The following ORAI3 variants were observed in gnomAD, a reference collection of about 807,000 sequenced individuals.
ORAI3 encodes protein orai-3.
Under a neutral mutation model 17.2 loss-of-function variants are expected in ORAI3, and 15 were observed. That is an observed-to-expected ratio of 0.87 (90% CI 0.58 to 1.34). ORAI3 has a LOEUF of 1.34. Ranked by LOEUF, ORAI3 falls within the 40% of genes most tolerant of loss-of-function variation. The pLI is 0.00. For missense variants in ORAI3, 405 were observed against 396.7 expected (o/e 1.02, Z -0.18); for synonymous variants, 178 against 172.4 (o/e 1.03, Z -0.25).
At position 30,954,262 on chromosome 16, in the gene ORAI3, G is replaced by C. The variant is rs1215307526; in HGVS notation, c.*418G>C. On this transcript the variant is annotated 3_prime_UTR_variant, in exon 2 of 2. Coordinates refer to ENST00000318663, the MANE Select transcript of ORAI3 (RefSeq NM_152288.3). ...TTTTTTTGAGACAGTCTGTTTCCCAGGCTGGAGTGTAGTGATACAGTCACA... is the reference window on the plus strand; with the variant it reads ...TTTTTTTGAGACAGTCTGTTTCCCACGCTGGAGTGTAGTGATACAGTCACA... 6.4e-6 allele frequency: 4 copies of C among 627,434 alleles called. No individual in the cohort carries two copies. Among genetic ancestry groups the C allele is most frequent in the Non-Finnish European group, 5.7e-6 (2 of 351,618 alleles). 38.9% of individuals were successfully genotyped at this position (627,434 alleles called of 1,614,324 possible). A position where few individuals can be genotyped will look rare whatever the true frequency, so the allele number is the denominator to read the frequency against.
In ORAI3 at chr16:30,949,440, T is replaced by G. The variant is rs778178422; in HGVS notation, c.151T>G (p.Trp51Gly). 6.2e-7 allele frequency: 1 copy of G among 1,606,572 alleles called. No homozygotes were observed. Among genetic ancestry groups the G allele is most frequent in the East Asian group, 2.2e-5 (1 of 44,468 alleles). The part of the protein sequence containing the change: ...ASQHSLRALS[W>G]RRLYLSRAKL... ...TCAGCACTCGCTGCGGGCGCTCAGC[T>G]GGCGCCGCCTCTACCTCAGCCGGGC... is the stretch of plus-strand genomic sequence containing the variant. Residue 51 changes from tryptophan (W) to glycine (G), a missense_variant, in exon 1 of 2, where the codon TGG (tryptophan) becomes GGG (glycine). Coordinates refer to ENST00000318663, the MANE Select transcript of ORAI3 (RefSeq NM_152288.3).
chr16:30,953,597 C>T lies in ORAI3; in HGVS notation c.641C>T (p.Ser214Phe). 1 of 1,614,242 alleles carries T rather than the reference C, an allele frequency of 6.2e-7. No individual in the cohort carries two copies. Among genetic ancestry groups the T allele is most frequent in the Non-Finnish European group, 8.5e-7 (1 of 1,180,036 alleles). The change falls in exon 2 of 2, where the codon TCT becomes TTT. Residue 214 changes from serine to phenylalanine, a missense_variant. Ser to Phe is a radical substitution (Grantham distance 155). Coordinates refer to ENST00000318663, the MANE Select transcript of ORAI3 (RefSeq NM_152288.3). ...CCAGCTTCCAATCTCCCACGGTCCT[C>T]TGCGTCTGCAGCACCGTCCCAAGCT... The part of the protein sequence containing the change: ...LSPASNLPRS[S>F]ASAAPSQAEP...
intron 1 of ORAI3, among the ~76,000 whole-genome samples, chr16:30,950,116 G>GGACGGTGTTGGCT (rs1044627230): frequency 6.6e-6 from 1 of 152,210 alleles, no homozygotes; most frequent in Non-Finnish European, 1.5e-5. Context: ...AGGTGCAGGA[G>GGACGGTGTTGGCT]GACGGTGTTG....
In ORAI3 at chr16:30,953,723, G is replaced by A; in HGVS notation, c.767G>A (p.Gly256Glu). 6.2e-7 allele frequency: 1 copy of A among 1,614,224 alleles called. No homozygotes were observed. Among genetic ancestry groups the A allele is most frequent in the Non-Finnish European group, 8.5e-7 (1 of 1,180,042 alleles). The change falls in exon 2 of 2, where the codon GGG (glycine) becomes GAG (glutamate). Residue 256 changes from glycine to glutamate, a missense_variant. Physicochemically the swap from Gly to Glu is moderately conservative, Grantham distance 98 (BLOSUM62 -2). Coordinates refer to ENST00000318663, the MANE Select transcript of ORAI3 (RefSeq NM_152288.3). ...TCCACAGCCATCATGGTACCCGTGG[G>A]GCTCGTGTTTGTGGCCTTTGCCCTG... ...MASTAIMVPV[G>E]LVFVAFALHF... is the part of the protein sequence containing the mutation.
rs777488181 is a variant in ORAI3, at chr16:30,953,725, C to A, written c.769C>A (p.Leu257Ile). 6.2e-7 allele frequency: 1 copy of A among 1,614,214 alleles called. No homozygotes were observed. The change falls in exon 2 of 2, where the codon CTC (leucine) becomes ATC (isoleucine). Residue 257 changes from leucine (L) to isoleucine (I), a missense_variant. Coordinates refer to ENST00000318663, the MANE Select transcript of ORAI3 (RefSeq NM_152288.3). ...ASTAIMVPVG[L>I]VFVAFALHFY... ...CACAGCCATCATGGTACCCGTGGGGCTCGTGTTTGTGGCCTTTGCCCTGCA... is the reference window on the plus strand; with the variant it reads ...CACAGCCATCATGGTACCCGTGGGGATCGTGTTTGTGGCCTTTGCCCTGCA...
In ORAI3 at chr16:30,951,410, T is replaced by A. The variant is rs569226481; in HGVS notation, c.229-1775T>A. On this transcript the variant is annotated intron_variant, in intron 1 of 1. Coordinates refer to ENST00000318663, the MANE Select transcript of ORAI3 (RefSeq NM_152288.3). ...GAGATGTTAAGACACCTGCCCAAGG[T>A]CCCACAGCAAGTAAGTGGCAGGATT... Among the ~76,000 whole-genome samples, 132 of 152,148 alleles carry A rather than the reference T, an allele frequency of 8.7e-4. 3 individuals are homozygous for A. Among genetic ancestry groups the A allele is most frequent in the Non-Finnish European group, 8.1e-4 (55 of 68,034 alleles).
At chr16:30,949,539 C>CA (rs2055911724) in intron 1 of ORAI3, 22 bp downstream of exon 1, 1 of 1,521,488 alleles carries the variant, frequency 6.6e-7, no homozygotes. Flanking sequence ...GGAGGGGTCA[C>CA]ACCCGGTGGG....
chr16:30,953,845 G>T lies in ORAI3; in HGVS notation c.*1G>T. On this transcript the variant is annotated 3_prime_UTR_variant, in exon 2 of 2. Transcript: ENST00000318663. ...GCAGGGGGAGCTGCAGGCTGTGTGA[G>T]ACTGGTGTTAGCCACCGCTCACTGC... 6.2e-7 allele frequency: 1 copy of T among 1,604,068 alleles called. No individual in the cohort carries two copies. Among genetic ancestry groups the T allele is most frequent in the South Asian group, 1.1e-5 (1 of 90,108 alleles).
chr16:30,950,490 C>T (rs1334336754), intron 1 of ORAI3, among the ~76,000 whole-genome samples: 2 of 152,168 alleles, frequency 1.3e-5, no homozygotes, highest in African/African-American at 2.4e-5. Context: ...GCCCCACCAT[C>T]ACCCCAGGAA....
chr16:30,953,034 G>A (rs902419757), intron 1 of ORAI3, 151 bp from the exon 2 acceptor site: 35 of 693,886 alleles, frequency 5.0e-5, no homozygotes, highest in South Asian at 1.8e-4. Context: ...CTGTCCATTC[G>A]TTTACTCAAC....
chr16:30,954,109 T>C lies in ORAI3; in HGVS notation c.*265T>C. ...ACCTGGGCTGGCCTCAGTTGAAGGA[T>C]CATGCAGTAGATAGAGGGGAGGCAG... On this transcript the variant is annotated 3_prime_UTR_variant, in exon 2 of 2. Coordinates refer to ENST00000318663, the MANE Select transcript of ORAI3 (RefSeq NM_152288.3). 1.4e-6 allele frequency: 1 copy of C among 702,830 alleles called. No individual in the cohort carries two copies. Among genetic ancestry groups the C allele is most frequent in the East Asian group, 2.7e-5 (1 of 37,290 alleles). 43.5% of individuals were successfully genotyped at this position (702,830 alleles called of 1,614,324 possible).
chr16:30,949,573 T>C, intron 1 of ORAI3, 56 bp downstream of exon 1: 8 of 175,366 alleles, frequency 4.6e-5, no homozygotes, highest in Non-Finnish European at 7.7e-5. Context: ...GGGGCACAGG[T>C]CGGGGGGGGG....
Position 30,954,435 on chromosome 16 carries a change from A to G in ORAI3, c.*591A>G, listed in dbSNP as rs1418741132. The G allele has an allele frequency of 1.4e-5, 4 of 280,350 alleles. No homozygotes were observed. The allele number at this position is 280,350 out of a possible 1,614,324, so 17.4% of individuals were successfully genotyped here. A position where few individuals can be genotyped will look rare whatever the true frequency, so the allele number is the denominator to read the frequency against. The stretch of plus-strand genomic sequence containing the variant: ...GTTTCGCTGTTCCCAGGCTGGTCTC[A>G]AACTCCTGGGCTCAAGTGAACCTCC... On this transcript the variant is annotated 3_prime_UTR_variant, in exon 2 of 2. Coordinates refer to ENST00000318663, the MANE Select transcript of ORAI3 (RefSeq NM_152288.3).
At chr16:30,950,462 C>T (rs1203873929) in intron 1 of ORAI3, among the ~76,000 whole-genome samples, 1 of 152,180 alleles carries the variant, frequency 6.6e-6, no homozygotes. Context: ...AGGGTTGCTG[C>T]TCTGTTAGTC....
Position 30,949,096 on chromosome 16 carries a change from C to T in ORAI3, c.-194C>T. On this transcript the variant is annotated 5_prime_UTR_variant, in exon 1 of 2. Transcript: ENST00000318663. ...TCCTGTTTTGGCCTCCGCTGTCCCG[C>T]TCCGGCTCCTGGGGCTCCCCGCAGA... The T allele has an allele frequency of 6.3e-6, 3 of 475,888 alleles. No homozygotes were observed. The highest frequency in any genetic ancestry group is 1.1e-5 in the Non-Finnish European group (3 of 274,642). The allele number at this position is 475,888 out of a possible 1,614,324, so 29.5% of individuals were successfully genotyped here.
chr16:30,954,701 T>C lies in ORAI3; in HGVS notation c.*857T>C, dbSNP rs1262762480. 6.4e-6 allele frequency: 1 copy of C among 155,108 alleles called. No homozygotes were observed. The highest frequency in any genetic ancestry group is 1.4e-5 in the Non-Finnish European group (1 of 70,124). The allele number at this position is 155,108 out of a possible 1,614,324, so 9.6% of individuals were successfully genotyped here. A position where few individuals can be genotyped will look rare whatever the true frequency, so the allele number is the denominator to read the frequency against. On this transcript the variant is annotated 3_prime_UTR_variant, in exon 2 of 2. Coordinates refer to ENST00000318663, the MANE Select transcript of ORAI3 (RefSeq NM_152288.3). ...GACCTGTGGCCACTTGCAGAAGGGA[T>C]GGTGCCTGACCCACTGCCCTAGCCC...
At chr16:30,950,043 G>A (rs2055916538) in intron 1 of ORAI3, among the ~76,000 whole-genome samples, 1 of 152,190 alleles carries the variant, frequency 6.6e-6, no homozygotes, top group African/African-American at 2.4e-5. Flanking sequence ...TGCCCGGGAG[G>A]GAACCGCTGG....
At chr16:30,950,279 A>G (rs1305474697) in intron 1 of ORAI3, among the ~76,000 whole-genome samples, 1 of 152,100 alleles carries the variant, frequency 6.6e-6, no homozygotes, top group Non-Finnish European at 1.5e-5. Context: ...GCCAGTGGGA[A>G]ACTGAGATCA....
chr16:30,953,591 G>A lies in ORAI3; in HGVS notation c.635G>A (p.Arg212Gln), dbSNP rs765188667. Residue 212 changes from arginine (R) to glutamine (Q), a missense_variant, in exon 2 of 2, where the codon CGG becomes CAG. Coordinates refer to ENST00000318663, the MANE Select transcript of ORAI3 (RefSeq NM_152288.3). ...CTTAGTCCAGCTTCCAATCTCCCAC[G>A]GTCCTCTGCGTCTGCAGCACCGTCC... ...TSLSPASNLPRSSASAAPSQA... is the reference protein window; with the variant it reads ...TSLSPASNLPQSSASAAPSQA... 7.5e-5 allele frequency: 121 copies of A among 1,614,064 alleles called. 1 individual carries two copies. The East Asian group carries it at 2.1e-3, about 29-fold the overall frequency.
Sources: gnomAD v4.1 joint callset for allele counts (sites outside exome capture counted in the v4.1 genomes callset) on GRCh38, gnomAD v4.1.1 for gene constraint, MANE v1.5 for transcripts, NCBI Gene and HGNC (gene_info 2026-07-23, HGNC 2026-07-21) for gene names.